The following NLGN1 variants were observed in gnomAD, a reference collection of about 807,000 sequenced individuals.
NLGN1 encodes neuroligin 1, also known as neuroligin-1.
Under a neutral mutation model 65.5 loss-of-function variants are expected in NLGN1, and 12 were observed. The observed-to-expected ratio is 0.18, with a 90% CI of 0.12 to 0.30. The LOEUF is 0.30. Among genes scored for constraint, NLGN1 ranks in the 10% least tolerant of loss-of-function variants. The probability of loss-of-function intolerance (pLI) is 1.00; values close to 1 mark genes in which losing one functional copy is unlikely to be tolerated. For synonymous variants in NLGN1, 350 were observed against 359.5 expected, an observed-to-expected ratio of 0.97 and a Z score of 0.30; for missense variants, 750 against 1,007.1, an observed-to-expected ratio of 0.74 and a Z score of 3.46.
chr3:173,757,719 T>C (rs1240230203), intron 3 of NLGN1, among the ~76,000 whole-genome samples: 2 of 151,978 alleles, frequency 1.3e-5, no homozygotes, highest in African/African-American at 4.8e-5. Context: ...TTTAAAATAG[T>C]CTGATTGTTA....
intron 4 of NLGN1, among the ~76,000 whole-genome samples, chr3:174,123,645 G>A (rs766507731): frequency 4.0e-5 from 6 of 151,870 alleles, no homozygotes; most frequent in Non-Finnish European, 8.8e-5. Context: ...TGAAGCTCTT[G>A]CTTCCATGCC....
chr3:173,877,250 C>A (rs1247000799), intron 4 of NLGN1, among the ~76,000 whole-genome samples: 1 of 152,088 alleles, frequency 6.6e-6, no homozygotes, highest in African/African-American at 2.4e-5. Context: ...GAAAAGGGCA[C>A]AGGACCTCTC....
At chr3:173,676,387 G>A (rs114976116) in intron 3 of NLGN1, among the ~76,000 whole-genome samples, 1,991 of 152,178 alleles carry the variant, frequency 0.013, 26 homozygotes, top group Non-Finnish European at 0.019. Context: ...ATCAGTTCAA[G>A]TACCATATGA....
At chr3:174,167,125 T>G (rs2152727934) in intron 4 of NLGN1, among the ~76,000 whole-genome samples, 1 of 152,228 alleles carries the variant, frequency 6.6e-6, no homozygotes, top group Non-Finnish European at 1.5e-5. Flanking sequence ...TGAGTCTTGT[T>G]ATTTTATCCA....
At chr3:174,260,307 T>G (rs1459207903) in intron 4 of NLGN1, among the ~76,000 whole-genome samples, 5 of 148,820 alleles carry the variant, frequency 3.4e-5, no homozygotes, top group African/African-American at 1.2e-4. Flanking sequence ...ACCAACAGTG[T>G]AAAAGTGTTC....
chr3:173,824,366 A>T (rs1277809309), intron 4 of NLGN1, among the ~76,000 whole-genome samples: 1 of 152,178 alleles, frequency 6.6e-6, no homozygotes, highest in Non-Finnish European at 1.5e-5. Context: ...CACTTGCTCC[A>T]TGCAAATGCT....
chr3:174,212,198 C>T (rs1008047897), intron 4 of NLGN1, among the ~76,000 whole-genome samples: 3 of 152,216 alleles, frequency 2.0e-5, no homozygotes, highest in South Asian at 2.1e-4. Flanking sequence ...GTACACCCTC[C>T]GCAGCTGCTG....
intron 3 of NLGN1, among the ~76,000 whole-genome samples, chr3:173,771,971 G>A (rs929927188): frequency 3.9e-5 from 6 of 152,038 alleles, no homozygotes; most frequent in Admixed American, 6.5e-5. Flanking sequence ...CCAAAAAACA[G>A]AAAAGTGTGA....
chr3:173,599,898 C>G (rs958050602), intron 2 of NLGN1, among the ~76,000 whole-genome samples: 1 of 152,050 alleles, frequency 6.6e-6, no homozygotes. Flanking sequence ...TGAAGTCAAA[C>G]AAGGCATTGC....
At chr3:173,510,217 C>T (rs1199335872) in intron 2 of NLGN1, among the ~76,000 whole-genome samples, 1 of 152,172 alleles carries the variant, frequency 6.6e-6, no homozygotes, top group African/African-American at 2.4e-5. Context: ...GAAACTGAGA[C>T]TCCAACTCTT....
At chr3:174,273,109 A>G (rs1272822679) in intron 4 of NLGN1, among the ~76,000 whole-genome samples, 1 of 151,604 alleles carries the variant, frequency 6.6e-6, no homozygotes, top group African/African-American at 2.4e-5. Context: ...TAATGTAGAA[A>G]TAATTGTCTG....
chr3:173,424,118 A>G (rs2148709320), intron 1 of NLGN1, among the ~76,000 whole-genome samples: 1 of 152,256 alleles, frequency 6.6e-6, no homozygotes, highest in South Asian at 2.1e-4. Flanking sequence ...CTCAGCTGTA[A>G]CCTTGGCCCC....
rs115365656 is a variant in NLGN1 at position 173,600,043 on chromosome 3, G to A, written c.-320-4236G>A. On this transcript the variant is annotated intron_variant, in intron 2 of 6. Coordinates refer to ENST00000457714, the Ensembl canonical transcript of NLGN1. The stretch of plus-strand genomic sequence containing the variant: ...AACTCTAGCACCTGTTAGTGAGGTG[G>A]CCTCAGGCACTTAATGCTTTAGAAC... Among the ~76,000 whole-genome samples, 1,164 of 152,126 alleles carry A rather than the reference G, an allele frequency of 7.7e-3. 18 individuals are homozygous for A. Among genetic ancestry groups the A allele is most frequent in the African/African-American group, 0.027 (1,101 of 41,518 alleles).
At chr3:174,140,235 A>C (rs9858659) in intron 4 of NLGN1, among the ~76,000 whole-genome samples, 10,512 of 152,192 alleles carry the variant, frequency 0.069, 502 homozygotes, top group African/African-American at 0.13. Context: ...TTTATATACT[A>C]GCTTGAATAT....
At chr3:173,670,521 G>GT (rs372772643) in intron 3 of NLGN1, among the ~76,000 whole-genome samples, 3 of 151,750 alleles carry the variant, frequency 2.0e-5, no homozygotes, top group Admixed American at 6.6e-5. Flanking sequence ...GTTATTGGTG[G>GT]TTTTTTTTCA....
At chr3:173,766,319 C>T (rs1395259208) in intron 3 of NLGN1, among the ~76,000 whole-genome samples, 1 of 152,040 alleles carries the variant, frequency 6.6e-6, no homozygotes, top group Admixed American at 6.6e-5. Context: ...GAACACCTGG[C>T]CTCAAGTGAT....
intron 4 of NLGN1, among the ~76,000 whole-genome samples, chr3:173,895,206 T>C (rs1024525424): frequency 3.9e-5 from 6 of 152,158 alleles, no homozygotes; most frequent in African/African-American, 1.2e-4. Context: ...TGCATCTCTC[T>C]GAACACAGTC....
intron 1 of NLGN1, among the ~76,000 whole-genome samples, chr3:173,405,789 C>G (rs980081866): frequency 6.6e-6 from 1 of 152,018 alleles, no homozygotes; most frequent in African/African-American, 2.4e-5. Flanking sequence ...TCTAGTAACT[C>G]TCTGTGTCAT....
chr3:173,941,418 T>G (rs1343520939), intron 4 of NLGN1, among the ~76,000 whole-genome samples: 4 of 152,034 alleles, frequency 2.6e-5, no homozygotes, highest in Non-Finnish European at 5.9e-5. Flanking sequence ...TTAATTAGAA[T>G]CAGGCATCAC....
Sources: allele counts gnomAD v4.1 joint callset (sites outside exome capture counted in the v4.1 genomes callset), GRCh38; gene constraint gnomAD v4.1.1; transcripts MANE v1.5; gene names NCBI Gene and HGNC (gene_info 2026-07-23, HGNC 2026-07-21).